The following TBL1XR1 variants were observed in gnomAD, a reference collection of about 807,000 sequenced individuals.
TBL1XR1 encodes TBL1X/Y related 1.
A neutral mutation model predicts 66.9 loss-of-function variants in TBL1XR1; 5 were observed. The ratio of observed to expected loss-of-function variants is 0.07; its 90% CI spans 0.04 to 0.16. TBL1XR1 has a LOEUF of 0.16. Ranked by LOEUF, TBL1XR1 falls within the 10% of genes least tolerant of loss-of-function variation. The pLI is 1.00. For missense variants in TBL1XR1, 238 were observed against 623.2 expected (o/e 0.38, Z 6.58); for synonymous variants, 210 against 206.0 (o/e 1.02, Z -0.17).
At chr3:177,093,321 T>C (rs758481626) in intron 2 of TBL1XR1, among the ~76,000 whole-genome samples, 99 of 152,216 alleles carry the variant, frequency 6.5e-4, no homozygotes, top group Admixed American at 7.9e-4. Flanking sequence ...AAAGAAATCA[T>C]AGATGACACA....
At chr3:177,197,097 C>G (rs1191607861) in intron 1 of TBL1XR1, 24 bp downstream of exon 1, 4 of 152,296 alleles carry the variant, frequency 2.6e-5, no homozygotes, top group African/African-American at 9.6e-5. Flanking sequence ...GCCCCCACTC[C>G]AGGGTCCGGC....
intron 10 of TBL1XR1, among the ~76,000 whole-genome samples, chr3:177,042,807 C>A (rs1715771943): frequency 6.6e-6 from 1 of 151,926 alleles, no homozygotes. Flanking sequence ...TCTGCTCCAC[C>A]CCTCTTCTGA....
chr3:177,186,463 T>C (rs933326405), intron 1 of TBL1XR1, among the ~76,000 whole-genome samples: 4 of 152,160 alleles, frequency 2.6e-5, no homozygotes, highest in Non-Finnish European at 4.4e-5. Context: ...AAACCCAAAG[T>C]AGATGAGTCA....
In TBL1XR1 at chr3:177,051,833, C is replaced by A. The variant is rs1324641462; in HGVS notation, c.205-107G>T. On this transcript the variant is annotated intron_variant, in intron 4 of 15. Coordinates refer to ENST00000457928, the MANE Select transcript of TBL1XR1 (RefSeq NM_024665.7). ...ATGAAAATCTTCGTTCCTAAAAAAA[C>A]ATTTTTAGGAACTTTCTGAATTCAT... The A allele has an allele frequency of 7.5e-6, 10 of 1,329,928 alleles. No homozygotes were observed. The African/African-American group carries it at 1.2e-4, about 16-fold the overall frequency. 82.4% of individuals were successfully genotyped at this position (1,329,928 alleles called of 1,614,324 possible). A position where few individuals can be genotyped will look rare whatever the true frequency, so the allele number is the denominator to read the frequency against.
At chr3:177,175,936 A>G (rs1734096214) in intron 1 of TBL1XR1, among the ~76,000 whole-genome samples, 1 of 150,640 alleles carries the variant, frequency 6.6e-6, no homozygotes, top group South Asian at 2.1e-4. Flanking sequence ...GGGCGCCTGT[A>G]GTCCCAGCTA....
Position 177,033,074 on chromosome 3 carries a change from A to G in TBL1XR1, c.1313T>C (p.Leu438Ser). The G allele has an allele frequency of 6.2e-7, 1 of 1,608,566 alleles. No individual in the cohort carries two copies. Among genetic ancestry groups the G allele is most frequent in the East Asian group, 2.2e-5 (1 of 44,780 alleles). The change falls in exon 14 of 16, where the codon TTG (leucine) becomes TCG (serine). Residue 438 changes from leucine to serine, a missense_variant. Leu to Ser is a moderately radical substitution (Grantham distance 145). Around this residue, in one of 8 missense-constraint regions of TBL1XR1, gnomAD observed 89 missense variants for 220.2 expected, o/e 0.40. Transcript: ENST00000457928. ...DVDRGICIHT[L>S]TKHQEPVYSV... ...GTACACAGGCTCTTGGTGTTTTGTC[A>G]AGGTATGGATGCATATCCCTCGGTC... is the stretch of plus-strand genomic sequence containing the variant.
chr3:177,035,799 C>T (rs934396042), intron 12 of TBL1XR1, among the ~76,000 whole-genome samples: 8 of 152,168 alleles, frequency 5.3e-5, no homozygotes, highest in Non-Finnish European at 8.8e-5. Flanking sequence ...CCTGTTTCGC[C>T]AGTCCAGCTG....
intron 1 of TBL1XR1, among the ~76,000 whole-genome samples, chr3:177,174,915 G>C (rs1173424752): frequency 6.6e-6 from 1 of 152,144 alleles, no homozygotes; most frequent in Non-Finnish European, 1.5e-5. Context: ...CAGCAAAGAA[G>C]TCACTTTATG....
Position 177,172,132 on chromosome 3 carries a change from G to T in TBL1XR1, c.-122+24989C>A, listed in dbSNP as rs934411880. On this transcript the variant is annotated intron_variant, in intron 1 of 15. Coordinates refer to ENST00000457928, the MANE Select transcript of TBL1XR1 (RefSeq NM_024665.7). Reference sequence around the variant, plus strand: ...AAAAATTAGCTGGGCATGGTGGCACGCACCTGTAATCCCAACTACTTGGGA... The same window carrying T: ...AAAAATTAGCTGGGCATGGTGGCACTCACCTGTAATCCCAACTACTTGGGA... Among the ~76,000 whole-genome samples the T allele has an allele frequency of 3.9e-5, 6 of 151,900 alleles. No individual in the cohort carries two copies. The East Asian group carries it at 5.8e-4, about 15-fold the overall frequency.
intron 1 of TBL1XR1, among the ~76,000 whole-genome samples, chr3:177,189,905 C>T (rs1735918964): frequency 6.6e-6 from 1 of 151,864 alleles, no homozygotes; most frequent in Non-Finnish European, 1.5e-5. Flanking sequence ...ACAGTGAGAT[C>T]TAAAAACACT....
At position 177,051,597 on chromosome 3, in the gene TBL1XR1, C is replaced by T; in HGVS notation, c.334G>A (p.Ala112Thr). ...TGGCTGGCTGCAGCTGCGGCAGCTG[C>T]AGCAGCTGCTGCCTGTTGCTGTGCA... ...KLAQQQAAAAAAAAAAASQQG... is the reference protein window; with the variant it reads ...KLAQQQAAAATAAAAAASQQG... The change falls in exon 5 of 16, where the codon GCA becomes ACA. Residue 112 changes from alanine (A) to threonine (T), a missense_variant. This residue lies in a region of TBL1XR1 where 80 missense variants were observed against 100.5 expected (regional missense o/e 0.80). Transcript: ENST00000457928. 6.2e-7 allele frequency: 1 copy of T among 1,613,524 alleles called. No individual in the cohort carries two copies. Among genetic ancestry groups the T allele is most frequent in the Non-Finnish European group, 8.5e-7 (1 of 1,179,708 alleles).
chr3:177,156,848 T>C (rs1731581700), intron 1 of TBL1XR1, among the ~76,000 whole-genome samples: 1 of 152,108 alleles, frequency 6.6e-6, no homozygotes, highest in Non-Finnish European at 1.5e-5. Context: ...TTGTGCTACA[T>C]CCGCACAACA....
At chr3:177,099,924 C>G (rs1723980508) in intron 1 of TBL1XR1, among the ~76,000 whole-genome samples, 1 of 152,182 alleles carries the variant, frequency 6.6e-6, no homozygotes, top group Non-Finnish European at 1.5e-5. Context: ...TTAACATGTA[C>G]TACTAAATAA....
At chr3:177,098,326 TA>T in intron 2 of TBL1XR1, 139 bp downstream of exon 2, 1 of 249,772 alleles carries the variant, frequency 4.0e-6, no homozygotes, top group Non-Finnish European at 6.3e-6. Flanking sequence ...TTAAAAAGAA[TA>T]AAAAATTTAA....
chr3:177,155,077 A>T (rs1731331589), intron 1 of TBL1XR1, among the ~76,000 whole-genome samples: 1 of 152,226 alleles, frequency 6.6e-6, no homozygotes, highest in Non-Finnish European at 1.5e-5. Context: ...ATATGAAAAG[A>T]GAAGAGCGTA....
At chr3:177,034,868 CTG>C (rs1275034908) in intron 12 of TBL1XR1, among the ~76,000 whole-genome samples, 3 of 151,738 alleles carry the variant, frequency 2.0e-5, no homozygotes, top group Non-Finnish European at 4.4e-5. Context: ...GAAAATATGC[CTG>C]TGTGTATAGA....
At chr3:177,153,114 AAC>A (rs1179687785) in intron 1 of TBL1XR1, among the ~76,000 whole-genome samples, 2 of 152,196 alleles carry the variant, frequency 1.3e-5, no homozygotes, top group Non-Finnish European at 2.9e-5. Context: ...TAGCCTGGGC[AAC>A]AGAGTGAAAT....
intron 3 of TBL1XR1, among the ~76,000 whole-genome samples, chr3:177,063,777 C>T (rs1718806077): frequency 6.6e-6 from 1 of 152,138 alleles, no homozygotes; most frequent in Non-Finnish European, 1.5e-5. Flanking sequence ...TCTCTGTGGG[C>T]TTGGATACTA....
rs564159813 is a variant in TBL1XR1, at chr3:177,033,241, C to CT, written c.1251-106dup. 53 of 957,308 alleles carry CT rather than the reference C, an allele frequency of 5.5e-5. No individual in the cohort carries two copies. In the East Asian group the frequency reaches 1.4e-3, roughly 24 times the overall value. The allele number at this position is 957,308 out of a possible 1,614,324, so 59.3% of individuals were successfully genotyped here. The stretch of plus-strand genomic sequence containing the variant: ...TCAGCCAAATCTAATAGCCAAAATT[C>CT]TTTATGAGAAGCAGACCGACTGGAC... On this transcript the variant is annotated intron_variant, in intron 13 of 15. Coordinates refer to ENST00000457928, the MANE Select transcript of TBL1XR1 (RefSeq NM_024665.7).
Sources: allele counts gnomAD v4.1 joint callset (sites outside exome capture counted in the v4.1 genomes callset), GRCh38; gene constraint gnomAD v4.1.1; regional missense constraint gnomAD v4.1.1; transcripts MANE v1.5; gene names NCBI Gene and HGNC (gene_info 2026-07-23, HGNC 2026-07-21).